STAG1: variants seen among roughly 807,000 people sequenced by gnomAD.
STAG1 encodes STAG1 cohesin complex component.
STAG1 carries 26 observed loss-of-function variants against 170.9 expected under a neutral mutation model. The ratio of observed to expected loss-of-function variants is 0.15; its 90% CI spans 0.11 to 0.21. The LOEUF (loss-of-function observed/expected upper bound fraction) is 0.21, where lower values mean the gene tolerates loss of function less well. Ranked by LOEUF, STAG1 falls within the 10% of genes least tolerant of loss-of-function variation. STAG1 has a pLI of 1.00. For synonymous variants in STAG1, 514 were observed against 497.7 expected (o/e 1.03, Z -0.44); for missense variants, 964 against 1,509.5 (o/e 0.64, Z 5.99).
chr3:136,457,392 C>T (rs2089145210), intron 13 of STAG1, among the ~76,000 whole-genome samples: 1 of 152,136 alleles, frequency 6.6e-6, no homozygotes, highest in Non-Finnish European at 1.5e-5. Flanking sequence ...ACAGATAACG[C>T]TTGATGCACC....
Position 136,377,650 on chromosome 3 carries a change from A to C in STAG1, c.2370+10T>G, listed in dbSNP as rs1317806806. 1.2e-6 allele frequency: 2 copies of C among 1,606,488 alleles called. No individual in the cohort carries two copies. Among genetic ancestry groups the C allele is most frequent in the Non-Finnish European group, 1.7e-6 (2 of 1,173,870 alleles). ...GATTTTATTGAGAGCTCTTACTGAT[A>C]ATTTCTTACCTGTTCTTTCACTGGA... On this transcript the variant is annotated intron_variant, in intron 23 of 33. Coordinates refer to ENST00000383202, the MANE Select transcript of STAG1 (RefSeq NM_005862.3).
chr3:136,637,997 A>G (rs1940640514), intron 1 of STAG1, among the ~76,000 whole-genome samples: 1 of 151,662 alleles, frequency 6.6e-6, no homozygotes, highest in African/African-American at 2.4e-5. Flanking sequence ...ACAGCCTCCA[A>G]CTCCTGGGCC....
intron 4 of STAG1, among the ~76,000 whole-genome samples, chr3:136,578,283 G>A (rs981381268): frequency 1.3e-5 from 2 of 152,154 alleles, no homozygotes; most frequent in Non-Finnish European, 2.9e-5. Context: ...GTCTATAAAG[G>A]GCAGTAGGGA....
At chr3:136,418,784 G>C (rs927202798) in intron 20 of STAG1, among the ~76,000 whole-genome samples, 2 of 152,028 alleles carry the variant, frequency 1.3e-5, no homozygotes, top group Non-Finnish European at 2.9e-5. Context: ...TGGGACTACA[G>C]GTGTGCGCCA....
At chr3:136,590,256 G>A (rs1408192891) in intron 4 of STAG1, among the ~76,000 whole-genome samples, 1 of 152,196 alleles carries the variant, frequency 6.6e-6, no homozygotes, top group East Asian at 1.9e-4. Flanking sequence ...AGGTTGAGGT[G>A]GGTGGATCAC....
chr3:136,703,723 A>T (rs1228832687), intron 1 of STAG1, among the ~76,000 whole-genome samples: 1 of 152,076 alleles, frequency 6.6e-6, no homozygotes, highest in Non-Finnish European at 1.5e-5. Flanking sequence ...AAAAACGTAG[A>T]CTGGGGCTGG....
At chr3:136,536,388 C>A (rs1359477091) in intron 6 of STAG1, among the ~76,000 whole-genome samples, 1 of 151,976 alleles carries the variant, frequency 6.6e-6, no homozygotes, top group East Asian at 1.9e-4. Flanking sequence ...TAATCTTTTC[C>A]CAGACATTTC....
At chr3:136,694,087 T>C (rs936779390) in intron 1 of STAG1, among the ~76,000 whole-genome samples, 1 of 152,240 alleles carries the variant, frequency 6.6e-6, no homozygotes, top group South Asian at 2.1e-4. Flanking sequence ...GAGTCTGTTA[T>C]AATGGTTATG....
At chr3:136,656,775 C>T (rs1162236568) in intron 1 of STAG1, among the ~76,000 whole-genome samples, 1 of 151,936 alleles carries the variant, frequency 6.6e-6, no homozygotes, top group Non-Finnish European at 1.5e-5. Flanking sequence ...ATTAATTCAG[C>T]CCTCCGCACC....
At chr3:136,366,620 T>A (rs74964220) in intron 25 of STAG1, among the ~76,000 whole-genome samples, 3 of 152,064 alleles carry the variant, frequency 2.0e-5, no homozygotes, top group African/African-American at 7.2e-5. Flanking sequence ...ACAGGAAAAC[T>A]GAGTATTCCC....
At chr3:136,635,631 G>T (rs1037519437) in intron 1 of STAG1, among the ~76,000 whole-genome samples, 10 of 151,972 alleles carry the variant, frequency 6.6e-5, no homozygotes, top group African/African-American at 2.4e-4. Context: ...ACAAGAGAAA[G>T]AAAATAAACA....
At chr3:136,600,870 GTTTTGTTTT>G (rs1450621860) in intron 4 of STAG1, among the ~76,000 whole-genome samples, 6 of 1,390 alleles carry the variant, frequency 4.3e-3, no homozygotes, top group African/African-American at 0.013. Flanking sequence ...TTGTTTGTTT[GTTTTGTTTT>G]GTTTTGTTTT....
chr3:136,720,132 C>T (rs926928691), intron 1 of STAG1, among the ~76,000 whole-genome samples: 2 of 148,594 alleles, frequency 1.3e-5, no homozygotes, highest in African/African-American at 2.5e-5. Flanking sequence ...GCTGAGATCG[C>T]GCCATTGCAC....
At chr3:136,732,520 C>T (rs550697202) in intron 1 of STAG1, among the ~76,000 whole-genome samples, 3 of 152,226 alleles carry the variant, frequency 2.0e-5, no homozygotes, top group South Asian at 2.1e-4. Context: ...GCCTAATTTC[C>T]GAAATATGTT....
At chr3:136,427,636 G>T (rs910895554) in intron 16 of STAG1, among the ~76,000 whole-genome samples, 1 of 147,804 alleles carries the variant, frequency 6.8e-6, no homozygotes, top group African/African-American at 2.5e-5. Flanking sequence ...CAAGATAAAT[G>T]AATCTGGTAT....
At chr3:136,739,031 T>C (rs1239521955) in intron 1 of STAG1, among the ~76,000 whole-genome samples, 1 of 152,096 alleles carries the variant, frequency 6.6e-6, no homozygotes, top group Non-Finnish European at 1.5e-5. Flanking sequence ...AATTATTACA[T>C]AATGGAATAG....
intron 22 of STAG1, among the ~76,000 whole-genome samples, chr3:136,379,112 T>C (rs1937790387): frequency 6.6e-6 from 1 of 152,230 alleles, no homozygotes; most frequent in African/African-American, 2.4e-5. Flanking sequence ...GGACACCCTC[T>C]TGAGAACTTT....
At chr3:136,652,457 A>C (rs1009765698) in intron 1 of STAG1, among the ~76,000 whole-genome samples, 2 of 152,234 alleles carry the variant, frequency 1.3e-5, no homozygotes, top group Non-Finnish European at 2.9e-5. Context: ...GTGTTACTTC[A>C]TCTTAAGAAA....
chr3:136,446,428 A>G (rs2088779617), intron 14 of STAG1, among the ~76,000 whole-genome samples: 1 of 151,246 alleles, frequency 6.6e-6, no homozygotes, highest in African/African-American at 2.4e-5. Flanking sequence ...TTTTTTTTAA[A>G]TTATTTTATT....
Sources: allele counts gnomAD v4.1 joint callset (sites outside exome capture counted in the v4.1 genomes callset), GRCh38; gene constraint gnomAD v4.1.1; transcripts MANE v1.5; gene names NCBI Gene and HGNC (gene_info 2026-07-23, HGNC 2026-07-21).